ZNF536: variants seen among roughly 807,000 people sequenced by gnomAD.
The protein encoded by ZNF536 is zinc finger protein 536.
A neutral mutation model predicts 84.5 loss-of-function variants in ZNF536; 13 were observed. The observed-to-expected ratio is 0.15, with a 90% CI of 0.10 to 0.24. ZNF536 has a LOEUF of 0.24. Ranked by LOEUF, ZNF536 falls within the 10% of genes least tolerant of loss-of-function variation. The pLI is 1.00. For missense variants in ZNF536, 1,536 were observed against 1,747.5 expected, an observed-to-expected ratio of 0.88 and a Z score of 2.16; for synonymous variants, 811 against 742.5, an observed-to-expected ratio of 1.09 and a Z score of -1.50.
chr19:30,307,530 CT>C (rs1360948966), intron 2 of ZNF536, among the ~76,000 whole-genome samples: 3 of 152,030 alleles, frequency 2.0e-5, no homozygotes, highest in South Asian at 4.2e-4. Flanking sequence ...GAAGATGTGC[CT>C]TTTTTTTCCT....
chr19:30,634,775 C>T (rs772782133), intron 1 of ZNF536, among the ~76,000 whole-genome samples: 2 of 152,014 alleles, frequency 1.3e-5, no homozygotes, highest in Admixed American at 6.5e-5. Context: ...ATTTTCATTT[C>T]GGGAGTGCAG....
intron 1 of ZNF536, among the ~76,000 whole-genome samples, chr19:30,390,568 G>C (rs1245935309): frequency 6.6e-6 from 1 of 152,210 alleles, no homozygotes; most frequent in Non-Finnish European, 1.5e-5. Flanking sequence ...GGCTCTTTGA[G>C]AGCAAATCCC....
chr19:30,410,465 C>CTTTTTTTTTTTTTTTTTTTT (rs201561646), intron 1 of ZNF536, among the ~76,000 whole-genome samples: 1 of 122,632 alleles, frequency 8.2e-6, no homozygotes, highest in African/African-American at 4.0e-5. Flanking sequence ...AAGTGAAGGT[C>CTTTTTTTTTTTTTTTTTTTT]TTTTTTTTTT....
At chr19:30,248,825 C>T (rs145677829) in intron 1 of ZNF536, among the ~76,000 whole-genome samples, 59 of 152,010 alleles carry the variant, frequency 3.9e-4, no homozygotes, top group African/African-American at 1.4e-3. Context: ...CAAGGAAGAC[C>T]CTTGAGTATG....
intron 2 of ZNF536, among the ~76,000 whole-genome samples, chr19:30,469,685 C>T (rs1451920393): frequency 6.6e-6 from 1 of 152,174 alleles, no homozygotes; most frequent in Non-Finnish European, 1.5e-5. Flanking sequence ...TATTCCACAC[C>T]TGGGCACCCT....
chr19:30,710,804 A>C (rs1213327589), exon 2 of ZNF536: 1 of 152,224 alleles, frequency 6.6e-6, no homozygotes, highest in Non-Finnish European at 1.5e-5. Context: ...TGCCTCTCAG[A>C]AGGGGAACCT....
At chr19:30,424,842 C>T (rs995991693) in intron 1 of ZNF536, among the ~76,000 whole-genome samples, 2 of 152,110 alleles carry the variant, frequency 1.3e-5, no homozygotes, top group African/African-American at 4.8e-5. Context: ...GAAATGCATG[C>T]TTGGTGACCA....
At chr19:30,318,080 C>T (rs537390851) in intron 2 of ZNF536, among the ~76,000 whole-genome samples, 19 of 152,310 alleles carry the variant, frequency 1.2e-4, no homozygotes, top group Non-Finnish European at 1.8e-4. Flanking sequence ...GGCCAAGTGT[C>T]GGCACATCCG....
chr19:30,502,124 T>G (rs2054976131), intron 2 of ZNF536, among the ~76,000 whole-genome samples: 1 of 152,204 alleles, frequency 6.6e-6, no homozygotes, highest in Admixed American at 6.5e-5. Context: ...GAACGACCCA[T>G]CTGGTCAAAT....
intron 1 of ZNF536, among the ~76,000 whole-genome samples, chr19:30,681,464 C>T (rs975926080): frequency 6.6e-6 from 1 of 152,024 alleles, no homozygotes; most frequent in East Asian, 1.9e-4. Context: ...GAAATAGGGG[C>T]GTGCCCAGCA....
chr19:30,685,466 G>T (rs1218611704), intron 1 of ZNF536, among the ~76,000 whole-genome samples: 1 of 152,030 alleles, frequency 6.6e-6, no homozygotes, highest in Non-Finnish European at 1.5e-5. Context: ...CCAAACTCTG[G>T]TATCCCCATC....
intron 1 of ZNF536, among the ~76,000 whole-genome samples, chr19:30,397,570 G>T (rs2049873942): frequency 6.6e-6 from 1 of 152,106 alleles, no homozygotes; most frequent in African/African-American, 2.4e-5. Flanking sequence ...AAGACAAAAA[G>T]CTTAAAAAAA....
intron 1 of ZNF536, among the ~76,000 whole-genome samples, chr19:30,408,502 T>C (rs891286154): frequency 6.6e-6 from 1 of 152,192 alleles, no homozygotes; most frequent in Non-Finnish European, 1.5e-5. Flanking sequence ...AAGTCATCAC[T>C]GTTTTCTACT....
At chr19:30,351,644 A>G (rs1436730271) in intron 2 of ZNF536, among the ~76,000 whole-genome samples, 1 of 152,250 alleles carries the variant, frequency 6.6e-6, no homozygotes, top group Non-Finnish European at 1.5e-5. Context: ...GCTCTGATTT[A>G]TACAAGAAAC....
chr19:30,517,356 C>T (rs571792737), intron 2 of ZNF536, among the ~76,000 whole-genome samples: 2 of 152,116 alleles, frequency 1.3e-5, no homozygotes, highest in South Asian at 2.1e-4. Flanking sequence ...AGGATCATCT[C>T]GGCTGAGATG....
At chr19:30,490,853 G>T (rs2054480113) in intron 2 of ZNF536, among the ~76,000 whole-genome samples, 1 of 152,178 alleles carries the variant, frequency 6.6e-6, no homozygotes, top group South Asian at 2.1e-4. Flanking sequence ...TGTAAAAGTT[G>T]GTTATAATGA....
chr19:30,523,917 C>G (rs948826275), intron 2 of ZNF536, among the ~76,000 whole-genome samples: 1 of 152,178 alleles, frequency 6.6e-6, no homozygotes, highest in Non-Finnish European at 1.5e-5. Flanking sequence ...GAAACAAGAA[C>G]GTATTTGTGA....
chr19:30,631,149 G>A (rs949728212), intron 1 of ZNF536, among the ~76,000 whole-genome samples: 19 of 152,262 alleles, frequency 1.2e-4, no homozygotes, highest in Admixed American at 2.0e-4. Context: ...GTAGCCCCTC[G>A]GAAGCAACCA....
At chr19:30,320,602 G>T (rs1307114740) in intron 2 of ZNF536, among the ~76,000 whole-genome samples, 2 of 152,128 alleles carry the variant, frequency 1.3e-5, no homozygotes, top group African/African-American at 4.8e-5. Context: ...GGATGTCCAC[G>T]CAGCCCACGG....
Sources: gnomAD v4.1 joint callset for allele counts (sites outside exome capture counted in the v4.1 genomes callset) on GRCh38, gnomAD v4.1.1 for gene constraint, MANE v1.5 for transcripts, NCBI Gene and HGNC (gene_info 2026-07-23, HGNC 2026-07-21) for gene names.